TRABD2B: variants seen among roughly 807,000 people sequenced by gnomAD.
TRABD2B encodes the protein TraB domain containing 2B.
A neutral mutation model predicts 40.1 loss-of-function variants in TRABD2B; 14 were observed. The observed-to-expected ratio is 0.35, with a 90% CI of 0.23 to 0.55. The LOEUF (loss-of-function observed/expected upper bound fraction) is 0.55. Ranked by LOEUF, TRABD2B falls within the 20% of genes least tolerant of loss-of-function variation. TRABD2B has a pLI of 0.90. For synonymous variants in TRABD2B, 263 were observed against 277.0 expected, an observed-to-expected ratio of 0.95 and a Z score of 0.50; for missense variants, 541 against 648.6, an observed-to-expected ratio of 0.83 and a Z score of 1.80.
chr1:47,771,909 A>C (rs1644382208), intron 6 of TRABD2B, among the ~76,000 whole-genome samples: 1 of 152,152 alleles, frequency 6.6e-6, no homozygotes, highest in South Asian at 2.1e-4. Flanking sequence ...CAGGCACTCC[A>C]GGCGCGTCCC....
chr1:47,802,871 A>C (rs554668328), intron 2 of TRABD2B, among the ~76,000 whole-genome samples: 1 of 152,316 alleles, frequency 6.6e-6, no homozygotes, highest in East Asian at 1.9e-4. Flanking sequence ...AAACGTTCAC[A>C]GGTCCCTCCC....
intron 4 of TRABD2B, among the ~76,000 whole-genome samples, chr1:47,786,084 C>T (rs1484530027): frequency 1.3e-5 from 2 of 152,202 alleles, no homozygotes; most frequent in African/African-American, 4.8e-5. Context: ...CTCACATTTA[C>T]GGAATGACTG....
intron 2 of TRABD2B, among the ~76,000 whole-genome samples, chr1:47,949,431 A>G (rs1645309131): frequency 8.4e-6 from 1 of 118,576 alleles, no homozygotes; most frequent in African/African-American, 3.2e-5. Context: ...TTTTTGAGAC[A>G]GGGTCTCACT....
chr1:47,817,280 A>G (rs1645046457), intron 2 of TRABD2B, among the ~76,000 whole-genome samples: 1 of 151,878 alleles, frequency 6.6e-6, no homozygotes, highest in Middle Eastern at 3.2e-3. Context: ...TGCTTTCTCA[A>G]AAGAGGATGG....
At position 47,947,352 on chromosome 1, in the gene TRABD2B, G is replaced by A. The variant is rs151124441; in HGVS notation, c.666+46682C>T. On this transcript the variant is annotated intron_variant, in intron 2 of 6. Transcript: ENST00000606738. ...GGAAATTAAGATTCAGAAAGGCCAA[G>A]GACCTCACCCAAGGTTGGTCAACAC... is the stretch of plus-strand genomic sequence containing the variant. 3.8e-3 allele frequency among the ~76,000 whole-genome samples: 573 copies of A among 152,256 alleles called. 3 individuals are homozygous for A. Among genetic ancestry groups the A allele is most frequent in the African/African-American group, 0.013 (547 of 41,546 alleles).
intron 2 of TRABD2B, among the ~76,000 whole-genome samples, chr1:47,823,917 G>T (rs1161132399): frequency 1.3e-5 from 2 of 152,136 alleles, no homozygotes; most frequent in Non-Finnish European, 1.5e-5. Flanking sequence ...GCTCTTCTGG[G>T]GCCTGCCTGC....
chr1:47,971,627 G>C (rs535464520), intron 2 of TRABD2B, among the ~76,000 whole-genome samples: 1 of 152,120 alleles, frequency 6.6e-6, no homozygotes, highest in South Asian at 2.1e-4. Context: ...CTGACAGCAC[G>C]CAGCCTAATG....
intron 2 of TRABD2B, among the ~76,000 whole-genome samples, chr1:47,903,793 A>G (rs1377021127): frequency 6.6e-6 from 1 of 152,228 alleles, no homozygotes; most frequent in East Asian, 1.9e-4. Context: ...TAAATCCTGC[A>G]TTAAGCTAAA....
At chr1:47,846,843 A>G (rs918191105) in intron 2 of TRABD2B, among the ~76,000 whole-genome samples, 5 of 96,050 alleles carry the variant, frequency 5.2e-5, no homozygotes, top group Admixed American at 1.2e-4. Context: ...GGCCAGGTTA[A>G]GTTAAAACAT....
chr1:47,900,598 C>G (rs1644587233), intron 2 of TRABD2B, among the ~76,000 whole-genome samples: 1 of 152,194 alleles, frequency 6.6e-6, no homozygotes, highest in Admixed American at 6.5e-5. Context: ...GAGGCCCCCA[C>G]CCCTCCATAG....
At chr1:47,805,676 TA>T (rs1644881876) in intron 2 of TRABD2B, among the ~76,000 whole-genome samples, 1 of 152,326 alleles carries the variant, frequency 6.6e-6, no homozygotes, top group South Asian at 2.1e-4. Flanking sequence ...TTGCAATTTA[TA>T]AAGAAGTCTT....
intron 2 of TRABD2B, 96 bp downstream of exon 2, chr1:47,993,938 C>T (rs914880204): frequency 3.4e-5 from 44 of 1,286,326 alleles, no homozygotes; most frequent in Non-Finnish European, 4.5e-5. Context: ...CTGACTCTGG[C>T]TGCCTCCCCC....
intron 4 of TRABD2B, among the ~76,000 whole-genome samples, chr1:47,782,705 C>A (rs1169166111): frequency 6.6e-6 from 1 of 152,188 alleles, no homozygotes; most frequent in Non-Finnish European, 1.5e-5. Context: ...GCCCTTGGAC[C>A]AGCCCGAGTC....
rs1644962381 is a variant in TRABD2B, at chr1:47,811,311, G to A, written c.667-9692C>T. ...GCCCAGCCACAACCCAAGAAGCATG[G>A]ACTTGGCCTCTAGTACAGCTGTCGC... On this transcript the variant is annotated intron_variant, in intron 2 of 6. Transcript: ENST00000606738. 5.3e-5 allele frequency among the ~76,000 whole-genome samples: 8 copies of A among 152,112 alleles called. No homozygotes were observed. In the South Asian group the frequency reaches 1.7e-3, roughly 32 times the overall value.
intron 2 of TRABD2B, among the ~76,000 whole-genome samples, chr1:47,906,124 G>A (rs978028954): frequency 1.3e-5 from 2 of 152,176 alleles, no homozygotes; most frequent in Admixed American, 1.3e-4. Context: ...GGTTTCCTGA[G>A]TGCTCCCCAC....
intron 2 of TRABD2B, among the ~76,000 whole-genome samples, chr1:47,937,183 T>C (rs757224313): frequency 1.3e-5 from 2 of 150,944 alleles, no homozygotes; most frequent in Non-Finnish European, 2.9e-5. Context: ...ACCATCATTA[T>C]CATCATTATC....
chr1:47,950,157 C>T (rs1214835017), intron 2 of TRABD2B, among the ~76,000 whole-genome samples: 9 of 151,958 alleles, frequency 5.9e-5, no homozygotes, highest in Middle Eastern at 3.2e-3. Flanking sequence ...GTGTGGTGGG[C>T]GCCTGTAGTC....
intron 2 of TRABD2B, among the ~76,000 whole-genome samples, chr1:47,840,494 C>T (rs896763696): frequency 2.6e-5 from 4 of 152,202 alleles, no homozygotes. Context: ...GCCTCCTGTC[C>T]CTCCCTGGTC....
At chr1:47,918,996 G>C (rs1180058562) in intron 2 of TRABD2B, among the ~76,000 whole-genome samples, 1 of 152,212 alleles carries the variant, frequency 6.6e-6, no homozygotes, top group Admixed American at 6.5e-5. Context: ...CTGTTGGGAT[G>C]TCACTCCTCT....
Sources: allele counts gnomAD v4.1 joint callset (sites outside exome capture counted in the v4.1 genomes callset), GRCh38; gene constraint gnomAD v4.1.1; transcripts MANE v1.5; gene names NCBI Gene and HGNC (gene_info 2026-07-23, HGNC 2026-07-21).